Variants in FAM227B observed in about 807,000 individuals in gnomAD.
FAM227B encodes the protein protein FAM227B.
FAM227B carries 88 observed loss-of-function variants against 73.8 expected under a neutral mutation model. The ratio of observed to expected loss-of-function variants is 1.19; its 90% CI spans 1.00 to 1.42. The LOEUF is 1.42. Among genes scored for constraint, FAM227B ranks in the 40% most tolerant of loss-of-function variants. The probability of loss-of-function intolerance (pLI) is 0.00; values close to 1 mark genes in which losing one functional copy is unlikely to be tolerated. For missense variants in FAM227B, 632 were observed against 590.9 expected, an observed-to-expected ratio of 1.07 and a Z score of -0.72; for synonymous variants, 210 against 190.5, an observed-to-expected ratio of 1.10 and a Z score of -0.84.
chr15:49,352,036 C>T lies in FAM227B; in HGVS notation c.1271+15412G>A, dbSNP rs562950228. Among the ~76,000 whole-genome samples, 7 of 152,312 alleles carry T rather than the reference C, an allele frequency of 4.6e-5. No homozygotes were observed. The South Asian group carries it at 1.2e-3, about 27-fold the overall frequency. ...TCATGTAGTTGAGGTCAGTTGTTGA[C>T]TGGGACTGGAGCCATCTCAAAGATT... is the stretch of plus-strand genomic sequence containing the variant. On this transcript the variant is annotated intron_variant, in intron 13 of 15. Coordinates refer to ENST00000299338, the MANE Select transcript of FAM227B (RefSeq NM_152647.3).
At chr15:49,428,127 C>G (rs1246362990) in intron 11 of FAM227B, among the ~76,000 whole-genome samples, 2 of 151,848 alleles carry the variant, frequency 1.3e-5, no homozygotes, top group East Asian at 1.9e-4. Flanking sequence ...CCAAGAGATA[C>G]TGGACCACAT....
chr15:49,516,400 C>T (rs1194516804), intron 10 of FAM227B, among the ~76,000 whole-genome samples: 1 of 151,972 alleles, frequency 6.6e-6, no homozygotes, highest in Non-Finnish European at 1.5e-5. Context: ...TGCATCTCCT[C>T]CAGGTAAACA....
intron 13 of FAM227B, chr15:49,366,527 G>T: frequency 6.7e-7 from 1 of 1,499,276 alleles, no homozygotes; most frequent in Non-Finnish European, 9.3e-7. Context: ...TAGGGTACTT[G>T]GAAGAGCTGA....
chr15:49,361,882 T>C (rs566461196), intron 13 of FAM227B, among the ~76,000 whole-genome samples: 1 of 152,210 alleles, frequency 6.6e-6, no homozygotes, highest in African/African-American at 2.4e-5. Context: ...AAGCATTCCT[T>C]TTCTCTGCAA....
intron 11 of FAM227B, among the ~76,000 whole-genome samples, chr15:49,496,668 T>C (rs1257673858): frequency 2.0e-5 from 3 of 152,132 alleles, no homozygotes; most frequent in Non-Finnish European, 4.4e-5. Flanking sequence ...CAGAAAGTCC[T>C]CTTTGTAAAA....
intron 10 of FAM227B, among the ~76,000 whole-genome samples, chr15:49,539,228 T>C (rs774828938): frequency 6.6e-6 from 1 of 152,190 alleles, no homozygotes; most frequent in African/African-American, 2.4e-5. Context: ...AATTGCAGCA[T>C]CCTCAGTCGC....
intron 12 of FAM227B, among the ~76,000 whole-genome samples, chr15:49,371,097 G>A (rs905273639): frequency 2.0e-5 from 3 of 152,112 alleles, no homozygotes; most frequent in African/African-American, 7.2e-5. Context: ...TTTTTCATTA[G>A]AAATGGGGAT....
intron 11 of FAM227B, among the ~76,000 whole-genome samples, chr15:49,420,533 G>A (rs550385031): frequency 1.2e-4 from 18 of 152,068 alleles, no homozygotes; most frequent in East Asian, 5.8e-4. Context: ...CAAGCATAGC[G>A]AAACTCTGAA....
intron 1 of FAM227B, 22 bp from the exon 2 acceptor site, chr15:49,615,265 A>G (rs1419543474): frequency 9.9e-7 from 1 of 1,011,880 alleles, no homozygotes; most frequent in Non-Finnish European, 1.6e-6. Context: ...AAGACACCCA[A>G]ATGCAAAAAT....
At chr15:49,415,504 A>T (rs559822493) in intron 11 of FAM227B, among the ~76,000 whole-genome samples, 25 of 152,256 alleles carry the variant, frequency 1.6e-4, no homozygotes, top group African/African-American at 5.8e-4. Flanking sequence ...CTTTCATTAT[A>T]TAGAAATGTA....
intron 11 of FAM227B, among the ~76,000 whole-genome samples, chr15:49,474,783 T>C (rs1392877584): frequency 6.6e-6 from 1 of 152,014 alleles, no homozygotes; most frequent in Non-Finnish European, 1.5e-5. Context: ...GTGAACCCTA[T>C]TGTGAACTGC....
chr15:49,565,385 A>G (rs2074576553), intron 9 of FAM227B, among the ~76,000 whole-genome samples: 1 of 151,434 alleles, frequency 6.6e-6, no homozygotes. Flanking sequence ...CCATCTCAAA[A>G]AAAAAAAAAA....
intron 11 of FAM227B, among the ~76,000 whole-genome samples, chr15:49,469,589 C>T (rs1270398882): frequency 1.3e-5 from 2 of 151,914 alleles, no homozygotes; most frequent in Admixed American, 1.3e-4. Context: ...GGTGTTGCTT[C>T]AATAAAGTAT....
chr15:49,372,061 CTTATAAATCAATGAAATAAAATTCAT>C (rs1567172497), intron 11 of FAM227B, among the ~76,000 whole-genome samples: 1,458 of 73,794 alleles, frequency 0.02, 230 homozygotes, highest in East Asian at 0.035. Flanking sequence ...ATAAAATTCA[CTTATAAATCAATGAAATAAAATTCAT>C]TTATAAATAA....
At chr15:49,399,163 G>T (rs1366935204) in intron 11 of FAM227B, among the ~76,000 whole-genome samples, 1 of 145,538 alleles carries the variant, frequency 6.9e-6, no homozygotes, top group African/African-American at 2.6e-5. Flanking sequence ...ATGATAAAGG[G>T]GATATCACCA....
intron 2 of FAM227B, among the ~76,000 whole-genome samples, chr15:49,613,415 C>T (rs1395190921): frequency 2.0e-5 from 3 of 151,986 alleles, no homozygotes; most frequent in Non-Finnish European, 4.4e-5. Flanking sequence ...GTGAGAGAAT[C>T]GCTTGAACCC....
At chr15:49,431,944 A>G (rs1447777372) in intron 11 of FAM227B, among the ~76,000 whole-genome samples, 1 of 151,736 alleles carries the variant, frequency 6.6e-6, no homozygotes, top group Non-Finnish European at 1.5e-5. Context: ...AGATAATAAT[A>G]CAGAGGGGTT....
chr15:49,598,371 G>A (rs1427516229), intron 3 of FAM227B, among the ~76,000 whole-genome samples: 1 of 151,914 alleles, frequency 6.6e-6, no homozygotes, highest in African/African-American at 2.4e-5. Context: ...AATCTTTAGA[G>A]TTTTGTGTAT....
At chr15:49,598,148 A>G (rs1567672949) in intron 3 of FAM227B, among the ~76,000 whole-genome samples, 1 of 152,012 alleles carries the variant, frequency 6.6e-6, no homozygotes, top group African/African-American at 2.4e-5. Context: ...CTTAATACCA[A>G]AACTAGGAAA....
Sources: gnomAD v4.1 joint callset for allele counts (sites outside exome capture counted in the v4.1 genomes callset) on GRCh38, gnomAD v4.1.1 for gene constraint, MANE v1.5 for transcripts, NCBI Gene and HGNC (gene_info 2026-07-23, HGNC 2026-07-21) for gene names.